Variants in SRC observed in about 807,000 individuals in gnomAD.
The protein encoded by SRC is SRC proto-oncogene, non-receptor tyrosine kinase.
A neutral mutation model predicts 62.9 loss-of-function variants in SRC; 13 were observed. The ratio of observed to expected loss-of-function variants is 0.21; its 90% CI spans 0.13 to 0.33. The LOEUF (loss-of-function observed/expected upper bound fraction) is 0.33, where lower values mean the gene tolerates loss of function less well. SRC is among the 10% of genes least tolerant of loss of function. The pLI, the probability that SRC is intolerant of heterozygous loss-of-function variation, is 1.00. For synonymous variants in SRC, 302 were observed against 317.5 expected (o/e 0.95, Z 0.52); for missense variants, 457 against 737.3 (o/e 0.62, Z 4.40).
chr20:37,395,260 C>T (rs866643736), intron 7 of SRC, among the ~76,000 whole-genome samples: 2 of 152,218 alleles, frequency 1.3e-5, no homozygotes, highest in Non-Finnish European at 2.9e-5. Context: ...TTCTTCTGTA[C>T]GCTGGGATTG....
chr20:37,389,625 C>A lies in SRC; in HGVS notation c.350+3451C>A, dbSNP rs537514911. On this transcript the variant is annotated intron_variant, in intron 5 of 13. Transcript: ENST00000373578. ...GCCATCCCCAGAGTGCCCTCCCAAC[C>A]AGTCCCAGCAGCCCAAGGGAGCGAA... 3.9e-5 allele frequency among the ~76,000 whole-genome samples: 6 copies of A among 152,282 alleles called. No homozygotes were observed. In the South Asian group the frequency reaches 1.2e-3, roughly 32 times the overall value.
At chr20:37,355,587 G>A (rs2067503036) in intron 1 of SRC, among the ~76,000 whole-genome samples, 1 of 152,112 alleles carries the variant, frequency 6.6e-6, no homozygotes, top group South Asian at 2.1e-4. Flanking sequence ...GGATGTACTT[G>A]GGACATAGCT....
Position 37,384,921 on chromosome 20 carries a change from GCC to G in SRC, c.250+521_250+522del, listed in dbSNP as rs1204014644. 2.0e-5 allele frequency among the ~76,000 whole-genome samples: 3 copies of G among 152,276 alleles called. No homozygotes were observed. The East Asian group carries it at 5.8e-4, about 29-fold the overall frequency. ...GGCCGTTTTGGAGAGCCGCGGCGGT[GCC>G]CCAGACACTCCACGCAGACTTCACT... On this transcript the variant is annotated intron_variant, in intron 4 of 13. Transcript: ENST00000373578. This position sits in a 1 kb window ranked among gnomAD's most constrained non-coding sequence, Gnocchi z 6.7.
intron 1 of SRC, among the ~76,000 whole-genome samples, chr20:37,356,538 G>T (rs982518739): frequency 6.6e-6 from 1 of 151,990 alleles, no homozygotes; most frequent in African/African-American, 2.4e-5. Context: ...AGGGTGGGGA[G>T]CTTCTGCCCC....
chr20:37,390,388 CTTTTTTTTT>C (rs562064689), intron 5 of SRC, among the ~76,000 whole-genome samples: 4 of 85,656 alleles, frequency 4.7e-5, no homozygotes, highest in Non-Finnish European at 9.5e-5. Context: ...TCTGATCTGG[CTTTTTTTTT>C]TTTTTTTTTT....
chr20:37,403,587 C>A lies in SRC; in HGVS notation c.*208C>A. ...GGGCGGTGGGTATGCGAGACCAGCA[C>A]GGTGACTCTGTCCAGCTCCCGCTGT... On this transcript the variant is annotated 3_prime_UTR_variant, in exon 14 of 14. Transcript: ENST00000373578. The surrounding 1 kb of genome is among the most constrained non-coding windows in gnomAD (Gnocchi z 7.1). 2 of 602,174 alleles carry A rather than the reference C, an allele frequency of 3.3e-6. No individual in the cohort carries two copies. The highest frequency in any genetic ancestry group is 5.9e-6 in the Non-Finnish European group (2 of 341,410). The allele number at this position is 602,174 out of a possible 1,614,324, so 37.3% of individuals were successfully genotyped here. A position where few individuals can be genotyped will look rare whatever the true frequency, so the allele number is the denominator to read the frequency against.
chr20:37,346,486 G>C (rs2069723003), intron 1 of SRC, among the ~76,000 whole-genome samples: 1 of 152,040 alleles, frequency 6.6e-6, no homozygotes, highest in Non-Finnish European at 1.5e-5. Flanking sequence ...GGCTGGGCGG[G>C]GGGGGCGCAG....
Position 37,394,165 on chromosome 20 carries a change from C to T in SRC, c.450-9C>T. On this transcript the variant is annotated splice_polypyrimidine_tract_variant and intron_variant, in intron 6 of 13. Coordinates refer to ENST00000373578, the MANE Select transcript of SRC (RefSeq NM_198291.3). The stretch of plus-strand genomic sequence containing the variant: ...CAGTCAGCACCATCCTCCGTCCTCC[C>T]ACCCCCAGGTGGTATTTTGGCAAGA... The T allele has an allele frequency of 6.2e-7, 1 of 1,612,530 alleles. No homozygotes were observed. The highest frequency in any genetic ancestry group is 8.5e-7 in the Non-Finnish European group (1 of 1,178,768).
At chr20:37,371,547 T>G (rs1458040729) in intron 2 of SRC, among the ~76,000 whole-genome samples, 1 of 152,144 alleles carries the variant, frequency 6.6e-6, no homozygotes, top group East Asian at 1.9e-4. Context: ...GTTGATTTTC[T>G]CTATTGCTTT....
Position 37,404,987 on chromosome 20 carries a change from C to A in SRC, c.*1608C>A, listed in dbSNP as rs1214241333. 1 of 207,722 alleles carries A rather than the reference C, an allele frequency of 4.8e-6. No individual in the cohort carries two copies. The highest frequency in any genetic ancestry group is 2.3e-5 in the African/African-American group (1 of 44,110). 12.9% of individuals were successfully genotyped at this position (207,722 alleles called of 1,614,324 possible). ...AAACATGTTGTACATTTCACCATGG[C>A]CCCCTCATCATAGCAATAACATTCC... On this transcript the variant is annotated 3_prime_UTR_variant, in exon 14 of 14. Coordinates refer to ENST00000373578, the MANE Select transcript of SRC (RefSeq NM_198291.3).
intron 2 of SRC, among the ~76,000 whole-genome samples, chr20:37,374,441 C>T (rs902998356): frequency 1.3e-5 from 2 of 152,020 alleles, no homozygotes; most frequent in Non-Finnish European, 2.9e-5. Context: ...TATATATACA[C>T]ATAATTGATT....
At chr20:37,346,785 C>T (rs915582593) in intron 1 of SRC, among the ~76,000 whole-genome samples, 9 of 152,188 alleles carry the variant, frequency 5.9e-5, no homozygotes, top group Non-Finnish European at 1.2e-4. Context: ...GTGCTGCCGG[C>T]CTGGAAGGGA....
intron 1 of SRC, among the ~76,000 whole-genome samples, chr20:37,353,716 C>G (rs1600951995): frequency 6.6e-6 from 1 of 152,170 alleles, no homozygotes; most frequent in Admixed American, 6.5e-5. Flanking sequence ...TGGATTTGAA[C>G]CCAGGGCTTC....
At chr20:37,391,571 T>C (rs1455957657) in intron 5 of SRC, among the ~76,000 whole-genome samples, 1 of 152,112 alleles carries the variant, frequency 6.6e-6, no homozygotes, top group Non-Finnish European at 1.5e-5. Flanking sequence ...AAGAAAGTGC[T>C]GGCCAGGCGC....
rs1044973298 is a variant in SRC, at chr20:37,384,863, CT to C, written c.250+461del. 1.1e-4 allele frequency among the ~76,000 whole-genome samples: 17 copies of C among 152,318 alleles called. No individual in the cohort carries two copies. The highest frequency in any genetic ancestry group is 3.8e-4 in the African/African-American group (16 of 41,570). ...CCAGGATGCGCCCCTGCGCCCTCTGCTGGCGCTCTGCGGTCACCGCAGCCCC... is the reference window on the plus strand; with the variant it reads ...CCAGGATGCGCCCCTGCGCCCTCTGCGGCGCTCTGCGGTCACCGCAGCCCC... On this transcript the variant is annotated intron_variant, in intron 4 of 13. Coordinates refer to ENST00000373578, the MANE Select transcript of SRC (RefSeq NM_198291.3). This position sits in a 1 kb window ranked among gnomAD's most constrained non-coding sequence, Gnocchi z 6.7.
At position 37,402,973 on chromosome 20, in the gene SRC, C is replaced by A; in HGVS notation, c.1402+93C>A. ...ATGACTCCTGCTGGGCCTGTTTCCCCACCCGTAAAACAAAGAAGTTGAGCG... is the reference window on the plus strand; with the variant it reads ...ATGACTCCTGCTGGGCCTGTTTCCCAACCCGTAAAACAAAGAAGTTGAGCG... On this transcript the variant is annotated intron_variant, in intron 13 of 13. Coordinates refer to ENST00000373578, the MANE Select transcript of SRC (RefSeq NM_198291.3). The surrounding 1 kb of genome is among the most constrained non-coding windows in gnomAD (Gnocchi z 6.2). 1 of 1,494,154 alleles carries A rather than the reference C, an allele frequency of 6.7e-7. No homozygotes were observed. The highest frequency in any genetic ancestry group is 1.4e-5 in the African/African-American group (1 of 71,360). 92.6% of individuals were successfully genotyped at this position (1,494,154 alleles called of 1,614,324 possible).
intron 2 of SRC, among the ~76,000 whole-genome samples, chr20:37,376,662 C>A (rs1231592028): frequency 1.3e-5 from 2 of 152,220 alleles, no homozygotes; most frequent in African/African-American, 4.8e-5. Flanking sequence ...CGCCACCATG[C>A]CCAGCTAATT....
chr20:37,360,757 A>G (rs948642712), intron 1 of SRC, among the ~76,000 whole-genome samples: 1 of 152,214 alleles, frequency 6.6e-6, no homozygotes, highest in Non-Finnish European at 1.5e-5. Context: ...ACTGATAGCA[A>G]ACACTTAGGG....
chr20:37,376,868 T>C (rs113635520), intron 2 of SRC, among the ~76,000 whole-genome samples: 11,160 of 152,118 alleles, frequency 0.073, 493 homozygotes, highest in Non-Finnish European at 0.092. Context: ...ATGTGGGCGA[T>C]GAGATCATAG....
Sources: gnomAD v4.1 joint callset for allele counts (sites outside exome capture counted in the v4.1 genomes callset) on GRCh38, gnomAD v4.1.1 for gene constraint, Gnocchi (gnomAD v3.1) non-coding constraint, MANE v1.5 for transcripts, NCBI Gene and HGNC (gene_info 2026-07-23, HGNC 2026-07-21) for gene names.